Variants in NKAIN2 observed in about 807,000 individuals in gnomAD.
NKAIN2 encodes the protein sodium/potassium-transporting ATPase subunit beta-1-interacting protein 2.
Under a neutral mutation model 32.6 loss-of-function variants are expected in NKAIN2, and 14 were observed. That is an observed-to-expected ratio of 0.43 (90% CI 0.28 to 0.67). The LOEUF is 0.67. Ranked by LOEUF, NKAIN2 falls within the 30% of genes least tolerant of loss-of-function variation. The pLI is 0.17. For synonymous variants in NKAIN2, 80 were observed against 87.2 expected (o/e 0.92, Z 0.46); for missense variants, 198 against 258.3 (o/e 0.77, Z 1.60).
chr6:124,050,773 G>A (rs1782366390), intron 1 of NKAIN2, among the ~76,000 whole-genome samples: 3 of 151,976 alleles, frequency 2.0e-5, no homozygotes, highest in Admixed American at 2.0e-4. Flanking sequence ...TCAGTTGAAA[G>A]CATTTTATTT....
intron 1 of NKAIN2, among the ~76,000 whole-genome samples, chr6:124,269,237 C>T (rs1794635313): frequency 6.6e-6 from 1 of 152,090 alleles, no homozygotes. Flanking sequence ...AACAGGAAAA[C>T]AAATATTATG....
chr6:124,669,079 G>T (rs186930772), intron 4 of NKAIN2, among the ~76,000 whole-genome samples: 37 of 152,186 alleles, frequency 2.4e-4, no homozygotes, highest in African/African-American at 8.9e-4. Context: ...ATATATTGTG[G>T]CAATATAATA....
chr6:123,934,880 T>G (rs1776427486), intron 1 of NKAIN2, among the ~76,000 whole-genome samples: 1 of 151,724 alleles, frequency 6.6e-6, no homozygotes, highest in African/African-American at 2.4e-5. Context: ...TTGTAAAATC[T>G]ATTTTCTACA....
intron 4 of NKAIN2, among the ~76,000 whole-genome samples, chr6:124,736,365 C>T (rs1776941447): frequency 2.0e-5 from 3 of 151,938 alleles, no homozygotes; most frequent in Admixed American, 1.3e-4. Flanking sequence ...ATAGAAGCTG[C>T]AGCCAGTGAT....
chr6:124,645,312 G>A lies in NKAIN2; in HGVS notation c.274-12874G>A, dbSNP rs568911138. On this transcript the variant is annotated intron_variant, in intron 3 of 6. Coordinates refer to ENST00000368417, the MANE Select transcript of NKAIN2 (RefSeq NM_001040214.3). ...AAAACTGGAATAGGTTGAACAATCTGTTTAAGGAACAGGTAGCTTGCCTTA... is the reference window on the plus strand; with the variant it reads ...AAAACTGGAATAGGTTGAACAATCTATTTAAGGAACAGGTAGCTTGCCTTA... Among the ~76,000 whole-genome samples, 233 of 152,308 alleles carry A rather than the reference G, an allele frequency of 1.5e-3. 1 individual carries two copies. Among genetic ancestry groups the A allele is most frequent in the Non-Finnish European group, 2.8e-3 (188 of 68,024 alleles).
intron 3 of NKAIN2, among the ~76,000 whole-genome samples, chr6:124,500,251 A>T (rs1054045968): frequency 3.9e-5 from 6 of 152,220 alleles, no homozygotes; most frequent in African/African-American, 1.4e-4. Flanking sequence ...AAGCCATTTC[A>T]GCTAACTGTT....
chr6:124,144,001 G>A (rs1472003773), intron 1 of NKAIN2, among the ~76,000 whole-genome samples: 1 of 152,142 alleles, frequency 6.6e-6, no homozygotes, highest in East Asian at 1.9e-4. Flanking sequence ...GATGTAATGT[G>A]CAAGTAGCTG....
chr6:124,154,282 A>G (rs802256), intron 1 of NKAIN2, among the ~76,000 whole-genome samples: 120,746 of 151,778 alleles, frequency 0.8, 49,313 homozygotes, highest in South Asian at 0.9. Context: ...CTGGATATGT[A>G]TCAAAGAAAT....
At chr6:124,182,192 T>A (rs1462238817) in intron 1 of NKAIN2, among the ~76,000 whole-genome samples, 1 of 152,132 alleles carries the variant, frequency 6.6e-6, no homozygotes, top group Non-Finnish European at 1.5e-5. Flanking sequence ...TCATTCACTA[T>A]CATGAGAACA....
intron 1 of NKAIN2, among the ~76,000 whole-genome samples, chr6:123,885,925 C>A (rs1273383814): frequency 1.4e-5 from 2 of 147,680 alleles, no homozygotes; most frequent in African/African-American, 2.5e-5. Flanking sequence ...ATGAAAAATC[C>A]AGGTGAGTTA....
intron 1 of NKAIN2, among the ~76,000 whole-genome samples, chr6:123,873,471 C>A (rs1441550797): frequency 6.6e-6 from 1 of 152,132 alleles, no homozygotes; most frequent in Non-Finnish European, 1.5e-5. Context: ...TTTTAAGAGT[C>A]ATGGGAAGCT....
At position 124,707,136 on chromosome 6, in the gene NKAIN2, T is replaced by C. The variant is rs867887973; in HGVS notation, c.474+48750T>C. On this transcript the variant is annotated intron_variant, in intron 4 of 6. Coordinates refer to ENST00000368417, the MANE Select transcript of NKAIN2 (RefSeq NM_001040214.3). Reference sequence around the variant, plus strand: ...ATAGTTTACTGAGAATGATGATTTCTAATTTCATCCATGTCCCTACAAAGG... The same window carrying C: ...ATAGTTTACTGAGAATGATGATTTCCAATTTCATCCATGTCCCTACAAAGG... Among the ~76,000 whole-genome samples the C allele has an allele frequency of 2.6e-4, 40 of 152,078 alleles. No homozygotes were observed. In the East Asian group the frequency reaches 4.3e-3, roughly 16 times the overall value.
chr6:124,415,651 A>G (rs1363714595), intron 3 of NKAIN2, among the ~76,000 whole-genome samples: 1 of 152,090 alleles, frequency 6.6e-6, no homozygotes, highest in African/African-American at 2.4e-5. Context: ...TCAATCCTCT[A>G]TTCCTTCCTT....
rs1787636317 is a variant in NKAIN2, at chr6:124,150,210, C to T, written c.55-132795C>T. ...CTGTGACAGATCCCCCACACTTTTTCAAAATTGTTTTGGCTATTATCGGTT... is the reference window on the plus strand; with the variant it reads ...CTGTGACAGATCCCCCACACTTTTTTAAAATTGTTTTGGCTATTATCGGTT... On this transcript the variant is annotated intron_variant, in intron 1 of 6. Transcript: ENST00000368417. 2.0e-5 allele frequency among the ~76,000 whole-genome samples: 3 copies of T among 152,042 alleles called. No homozygotes were observed. The South Asian group carries it at 6.2e-4, about 32-fold the overall frequency.
intron 1 of NKAIN2, among the ~76,000 whole-genome samples, chr6:124,129,451 T>C (rs1442248668): frequency 2.0e-5 from 3 of 152,208 alleles, no homozygotes; most frequent in Non-Finnish European, 2.9e-5. Flanking sequence ...ATGGCTATTA[T>C]TGGAATGTCT....
At chr6:124,729,086 A>C (rs1776503121) in intron 4 of NKAIN2, among the ~76,000 whole-genome samples, 1 of 152,146 alleles carries the variant, frequency 6.6e-6, no homozygotes. Flanking sequence ...AACCAAAAAG[A>C]GTCCAGGACC....
intron 1 of NKAIN2, among the ~76,000 whole-genome samples, chr6:123,889,331 G>A (rs574222576): frequency 3.9e-5 from 6 of 152,220 alleles, no homozygotes; most frequent in African/African-American, 1.2e-4. Context: ...AATGGTTTCA[G>A]GGAGGGCAGT....
intron 3 of NKAIN2, among the ~76,000 whole-genome samples, chr6:124,378,261 C>T (rs1328051029): frequency 1.3e-5 from 2 of 152,130 alleles, no homozygotes; most frequent in Non-Finnish European, 2.9e-5. Context: ...TATAGATAGG[C>T]AGCAAGGGAC....
chr6:124,583,484 C>A lies in NKAIN2; in HGVS notation c.274-74702C>A, dbSNP rs560508542. 3.7e-4 allele frequency among the ~76,000 whole-genome samples: 56 copies of A among 152,070 alleles called. 1 individual carries two copies. The South Asian group carries it at 0.011, about 29-fold the overall frequency. On this transcript the variant is annotated intron_variant, in intron 3 of 6. Transcript: ENST00000368417. The stretch of plus-strand genomic sequence containing the variant: ...AATAAATTGAAAAGAATACAAAAAT[C>A]AAAAGATATTCTATGATCATGTATT...
Sources: gnomAD v4.1 joint callset for allele counts (sites outside exome capture counted in the v4.1 genomes callset) on GRCh38, gnomAD v4.1.1 for gene constraint, MANE v1.5 for transcripts, NCBI Gene and HGNC (gene_info 2026-07-23, HGNC 2026-07-21) for gene names.